PRKCB: variants seen among roughly 807,000 people sequenced by gnomAD.
PRKCB encodes protein kinase C beta, also known as protein kinase C beta type.
In PRKCB, 13 loss-of-function variants were observed where a neutral mutation model predicts 81.5. The ratio of observed to expected loss-of-function variants is 0.16; its 90% CI spans 0.10 to 0.25. PRKCB has a LOEUF of 0.25. Ranked by LOEUF, PRKCB falls within the 10% of genes least tolerant of loss-of-function variation. PRKCB has a pLI of 1.00. For synonymous variants in PRKCB, 335 were observed against 321.4 expected (o/e 1.04, Z -0.45); for missense variants, 509 against 875.7 (o/e 0.58, Z 5.29).
intron 2 of PRKCB, among the ~76,000 whole-genome samples, chr16:23,877,935 G>A (rs1567299515): frequency 6.6e-6 from 1 of 151,978 alleles, no homozygotes; most frequent in Non-Finnish European, 1.5e-5. Flanking sequence ...CCAGGGTCAG[G>A]TGATTCTCAT....
intron 2 of PRKCB, among the ~76,000 whole-genome samples, chr16:23,951,339 A>G (rs1177779350): frequency 6.6e-6 from 1 of 152,204 alleles, no homozygotes; most frequent in Non-Finnish European, 1.5e-5. Flanking sequence ...CATTTCCCAG[A>G]TATTCATGAG....
At chr16:23,839,156 A>G (rs1489587210) in intron 2 of PRKCB, among the ~76,000 whole-genome samples, 1 of 152,218 alleles carries the variant, frequency 6.6e-6, no homozygotes, top group East Asian at 1.9e-4. Context: ...AAGGCATGAC[A>G]CATTTGAAAT....
chr16:23,901,934 C>T (rs191615867), intron 2 of PRKCB, among the ~76,000 whole-genome samples: 118 of 152,204 alleles, frequency 7.8e-4, no homozygotes, highest in African/African-American at 2.7e-3. Context: ...GTGCCTTGTT[C>T]GTTATGGTTT....
In PRKCB at chr16:23,899,603, ACTCT is replaced by A. The variant is rs370318979; in HGVS notation, c.205+62236_205+62239del. Among the ~76,000 whole-genome samples the A allele has an allele frequency of 6.3e-3, 288 of 45,606 alleles. 75 individuals carry two copies. The highest frequency in any genetic ancestry group is 0.034 in the Middle Eastern group (3 of 88). 29.9% of individuals were successfully genotyped at this position (45,606 alleles called of 152,430 possible). On this transcript the variant is annotated intron_variant, in intron 2 of 16. Transcript: ENST00000643927. The stretch of plus-strand genomic sequence containing the variant: ...CATTTGTAATTACTTATCCATAAGA[ACTCT>A]CTCTCTCTCTCTCTCTCTCTCTCTC...
At chr16:23,994,921 A>G (rs1964935448) in intron 3 of PRKCB, among the ~76,000 whole-genome samples, 1 of 152,118 alleles carries the variant, frequency 6.6e-6, no homozygotes, top group South Asian at 2.1e-4. Context: ...TCCTTCCACA[A>G]GCTATGACAA....
rs1008689775 is a variant in PRKCB, at chr16:24,219,815, G to A, written c.*4999G>A. 1.3e-5 allele frequency: 18 copies of A among 1,426,362 alleles called. No individual in the cohort carries two copies. The highest frequency in any genetic ancestry group is 5.1e-5 in the East Asian group (2 of 39,564). The allele number at this position is 1,426,362 out of a possible 1,614,324, so 88.4% of individuals were successfully genotyped here. A position where few individuals can be genotyped will look rare whatever the true frequency, so the allele number is the denominator to read the frequency against. On this transcript the variant is annotated 3_prime_UTR_variant, in exon 17 of 17. Transcript: ENST00000643927. ...TACAATGTGAAATGAAAGCCAGTGCGTGGAGTGCAGCTGCTAAAAATTTTC... is the reference window on the plus strand; with the variant it reads ...TACAATGTGAAATGAAAGCCAGTGCATGGAGTGCAGCTGCTAAAAATTTTC...
chr16:24,184,196 T>C (rs990357309), intron 13 of PRKCB, among the ~76,000 whole-genome samples: 1 of 152,188 alleles, frequency 6.6e-6, no homozygotes, highest in Non-Finnish European at 1.5e-5. Context: ...TTATTAAAGA[T>C]CTATTGCCCA....
At chr16:24,133,887 C>T (rs1176887985) in intron 9 of PRKCB, among the ~76,000 whole-genome samples, 1 of 149,388 alleles carries the variant, frequency 6.7e-6, no homozygotes, top group African/African-American at 2.5e-5. Context: ...CTTCCCAAAC[C>T]CCTAGTTTAA....
chr16:24,164,539 G>A (rs147624586), intron 10 of PRKCB, among the ~76,000 whole-genome samples: 83 of 152,326 alleles, frequency 5.4e-4, no homozygotes, highest in African/African-American at 2.0e-3. Flanking sequence ...AGTTTGAAGA[G>A]AAAGATGGTG....
intron 3 of PRKCB, among the ~76,000 whole-genome samples, chr16:24,011,781 C>G (rs1192158725): frequency 6.6e-6 from 1 of 152,162 alleles, no homozygotes; most frequent in Non-Finnish European, 1.5e-5. Context: ...CATTGTGTCC[C>G]ACCTTAGCTG....
At chr16:24,117,872 G>C (rs1431492611) in intron 8 of PRKCB, among the ~76,000 whole-genome samples, 1 of 152,252 alleles carries the variant, frequency 6.6e-6, no homozygotes, top group East Asian at 1.9e-4. Context: ...GGGACAGGAA[G>C]CTGAGGGGTT....
chr16:24,116,083 TG>T (rs1966734546), intron 8 of PRKCB, among the ~76,000 whole-genome samples: 1 of 152,188 alleles, frequency 6.6e-6, no homozygotes, highest in Non-Finnish European at 1.5e-5. Flanking sequence ...CAGAGTTGGT[TG>T]CCTCTGTTTG....
intron 2 of PRKCB, among the ~76,000 whole-genome samples, chr16:23,971,799 G>A (rs996204503): frequency 1.3e-5 from 2 of 152,126 alleles, no homozygotes; most frequent in Admixed American, 6.6e-5. Context: ...ATAAGATAAT[G>A]TGTTGGATTG....
At chr16:24,036,087 C>A (rs947318666) in intron 5 of PRKCB, among the ~76,000 whole-genome samples, 3 of 152,056 alleles carry the variant, frequency 2.0e-5, no homozygotes, top group Non-Finnish European at 4.4e-5. Context: ...CTTTCTTGAA[C>A]CTGATGGTGG....
At chr16:23,862,084 A>T (rs895642686) in intron 2 of PRKCB, among the ~76,000 whole-genome samples, 1 of 151,608 alleles carries the variant, frequency 6.6e-6, no homozygotes, top group Non-Finnish European at 1.5e-5. Flanking sequence ...GGTTTTTTGT[A>T]TGTCGGGTAA....
intron 2 of PRKCB, among the ~76,000 whole-genome samples, chr16:23,881,413 C>A (rs1051088558): frequency 2.0e-5 from 3 of 152,092 alleles, no homozygotes; most frequent in African/African-American, 7.2e-5. Flanking sequence ...CCACCACACC[C>A]AGCTAATTTT....
intron 7 of PRKCB, among the ~76,000 whole-genome samples, chr16:24,110,866 T>C (rs1467711840): frequency 6.6e-6 from 1 of 152,160 alleles, no homozygotes; most frequent in African/African-American, 2.4e-5. Context: ...AACAATTATT[T>C]TCTATTTGTA....
At chr16:23,933,888 T>C (rs1964018141) in intron 2 of PRKCB, among the ~76,000 whole-genome samples, 2 of 135,142 alleles carry the variant, frequency 1.5e-5, no homozygotes, top group African/African-American at 5.8e-5. Flanking sequence ...ATCATCTTGT[T>C]TGTCAATTTT....
chr16:23,867,977 C>T lies in PRKCB; in HGVS notation c.205+30571C>T, dbSNP rs1364727939. Among the ~76,000 whole-genome samples, 6 of 31,684 alleles carry T rather than the reference C, an allele frequency of 1.9e-4. No individual in the cohort carries two copies. In the East Asian group the frequency reaches 5.7e-3, roughly 30 times the overall value. 20.8% of individuals were successfully genotyped at this position (31,684 alleles called of 152,430 possible). A position where few individuals can be genotyped will look rare whatever the true frequency, so the allele number is the denominator to read the frequency against. ...AATAAACTTGGTTGCTAAAAGCATC[C>T]ATCACACATAAAACAGGGGAGATCT... On this transcript the variant is annotated intron_variant, in intron 2 of 16. Coordinates refer to ENST00000643927, the MANE Select transcript of PRKCB (RefSeq NM_002738.7).
Sources: allele counts gnomAD v4.1 joint callset (sites outside exome capture counted in the v4.1 genomes callset), GRCh38; gene constraint gnomAD v4.1.1; transcripts MANE v1.5; gene names NCBI Gene and HGNC (gene_info 2026-07-23, HGNC 2026-07-21).